The following ZBTB7C variants were observed in gnomAD, a reference collection of about 807,000 sequenced individuals.
The protein encoded by ZBTB7C is zinc finger and BTB domain containing 7C.
A neutral mutation model predicts 25.7 loss-of-function variants in ZBTB7C; 8 were observed. The observed-to-expected ratio is 0.31, with a 90% CI of 0.18 to 0.56. The LOEUF (loss-of-function observed/expected upper bound fraction) is 0.56. Ranked by LOEUF, ZBTB7C falls within the 20% of genes least tolerant of loss-of-function variation. The probability of loss-of-function intolerance (pLI) is 0.91; values close to 1 mark genes in which losing one functional copy is unlikely to be tolerated. For missense variants in ZBTB7C, 824 were observed against 855.2 expected, an observed-to-expected ratio of 0.96 and a Z score of 0.46; for synonymous variants, 394 against 369.0, an observed-to-expected ratio of 1.07 and a Z score of -0.78.
intron 2 of ZBTB7C, among the ~76,000 whole-genome samples, chr18:48,248,352 A>G (rs921980148): frequency 6.6e-6 from 1 of 152,128 alleles, no homozygotes; most frequent in Non-Finnish European, 1.5e-5. Context: ...GAGAGAACAA[A>G]CTAATACACT....
At chr18:48,220,943 C>T (rs2042935078) in intron 2 of ZBTB7C, among the ~76,000 whole-genome samples, 1 of 152,024 alleles carries the variant, frequency 6.6e-6, no homozygotes, top group African/African-American at 2.4e-5. Flanking sequence ...CTAGACTCCT[C>T]TATACTGTTC....
At chr18:48,180,476 GC>G (rs1259031528) in intron 3 of ZBTB7C, 4 of 384,238 alleles carry the variant, frequency 1.0e-5, no homozygotes, top group African/African-American at 2.1e-5. Flanking sequence ...CCTATGCCAT[GC>G]CTGGGGAGAG....
At chr18:48,036,015 G>T (rs1178077928) in intron 4 of ZBTB7C, among the ~76,000 whole-genome samples, 1 of 152,262 alleles carries the variant, frequency 6.6e-6, no homozygotes. Flanking sequence ...GGAGTGCACA[G>T]GCAAAGGGAG....
At chr18:48,113,380 A>G (rs2039315380) in intron 3 of ZBTB7C, among the ~76,000 whole-genome samples, 1 of 152,268 alleles carries the variant, frequency 6.6e-6, no homozygotes, top group South Asian at 2.1e-4. Flanking sequence ...GGGAAAGACA[A>G]AAAGAGAGAA....
chr18:48,215,207 AG>A (rs1401562743), intron 2 of ZBTB7C, among the ~76,000 whole-genome samples: 1 of 152,236 alleles, frequency 6.6e-6, no homozygotes, highest in Non-Finnish European at 1.5e-5. Context: ...AAGACACAGA[AG>A]CCAACGGTCC....
intron 2 of ZBTB7C, among the ~76,000 whole-genome samples, chr18:48,286,010 T>C (rs1033681404): frequency 2.0e-5 from 3 of 152,282 alleles, no homozygotes; most frequent in Admixed American, 1.3e-4. Flanking sequence ...ATGAGCTCCC[T>C]TCCCCTTGAG....
Position 48,029,316 on chromosome 18 carries a change from G to C in ZBTB7C, c.1804C>G (p.Leu602Val). Residue 602 changes from leucine to valine, a missense_variant, in exon 5 of 5, where the codon CTC becomes GTC. Around this residue, in one of 4 missense-constraint regions of ZBTB7C, gnomAD observed 342 missense variants for 307.0 expected, o/e 1.11. Transcript: ENST00000590800. ...TGGTTGAGGCCGGCGAGCCCAGGGA[G>C]GCCGGCCAGGCCGGCGGCCCAAGGG... ...PDPWAAGLAG[L>V]PGLAGLNHVA... 2.6e-6 allele frequency: 4 copies of C among 1,536,492 alleles called. 1 individual carries two copies. The highest frequency in any genetic ancestry group is 2.7e-5 in the African/African-American group (2 of 72,910).
intron 1 of ZBTB7C, among the ~76,000 whole-genome samples, chr18:48,353,120 T>C (rs1275798641): frequency 2.0e-5 from 3 of 152,212 alleles, no homozygotes; most frequent in Non-Finnish European, 2.9e-5. Flanking sequence ...TATAGGGCTT[T>C]CCTATCCAGT....
intron 3 of ZBTB7C, among the ~76,000 whole-genome samples, chr18:48,081,296 C>T (rs2037971843): frequency 6.6e-6 from 1 of 152,150 alleles, no homozygotes; most frequent in African/African-American, 2.4e-5. Flanking sequence ...GAGTCTGCAC[C>T]TTGCACTCAG....
intron 3 of ZBTB7C, among the ~76,000 whole-genome samples, chr18:48,153,399 C>G (rs1193452961): frequency 6.6e-6 from 1 of 152,140 alleles, no homozygotes; most frequent in Non-Finnish European, 1.5e-5. Flanking sequence ...TGCACCCACT[C>G]TCTTTCTGTT....
chr18:48,172,269 GGTCTGCATCAGGGGCTTCCCAGT>G (rs2041508836), intron 3 of ZBTB7C, among the ~76,000 whole-genome samples: 1 of 152,196 alleles, frequency 6.6e-6, no homozygotes. Flanking sequence ...TGGGAAGATG[GGTCTGCATCAGGGGCTTCCCAGT>G]GCCCTTAAAT....
chr18:48,029,197 G>A lies in ZBTB7C; in HGVS notation c.*63C>T. On this transcript the variant is annotated 3_prime_UTR_variant, in exon 5 of 5. Coordinates refer to ENST00000590800, the MANE Select transcript of ZBTB7C (RefSeq NM_001318841.2). ...GAAAAGTTCAGATCCATGGGGTAGG[G>A]TAGAGTGGGCCTGGAGGGAGAAGGA... 6.8e-7 allele frequency: 1 copy of A among 1,481,288 alleles called. No homozygotes were observed. Among genetic ancestry groups the A allele is most frequent in the Non-Finnish European group, 8.9e-7 (1 of 1,126,236 alleles). 91.8% of individuals were successfully genotyped at this position (1,481,288 alleles called of 1,614,324 possible).
intron 2 of ZBTB7C, among the ~76,000 whole-genome samples, chr18:48,208,968 T>C (rs2042641208): frequency 6.6e-6 from 1 of 152,248 alleles, no homozygotes; most frequent in South Asian, 2.1e-4. Flanking sequence ...CTCCATGTAA[T>C]ACTGTTTAAA....
intron 3 of ZBTB7C, among the ~76,000 whole-genome samples, chr18:48,082,946 A>T (rs2038047136): frequency 6.6e-6 from 1 of 152,116 alleles, no homozygotes; most frequent in African/African-American, 2.4e-5. Flanking sequence ...GAGTTGGTTG[A>T]TTTTGGACAA....
intron 3 of ZBTB7C, among the ~76,000 whole-genome samples, chr18:48,052,105 C>G (rs924824243): frequency 1.3e-5 from 2 of 152,208 alleles, no homozygotes; most frequent in African/African-American, 4.8e-5. Flanking sequence ...AATCACTCGT[C>G]TCCCATAAAC....
chr18:48,186,387 A>C (rs986705257), intron 2 of ZBTB7C, among the ~76,000 whole-genome samples: 1 of 152,252 alleles, frequency 6.6e-6, no homozygotes, highest in African/African-American at 2.4e-5. Context: ...ACCTCACAGC[A>C]CAGGGCATCT....
chr18:48,284,026 A>G (rs1354968156), intron 2 of ZBTB7C, among the ~76,000 whole-genome samples: 1 of 152,194 alleles, frequency 6.6e-6, no homozygotes, highest in African/African-American at 2.4e-5. Flanking sequence ...GCACGCCTAT[A>G]GTCCCAGTTA....
intron 2 of ZBTB7C, among the ~76,000 whole-genome samples, chr18:48,288,146 C>A (rs774652550): frequency 1.3e-5 from 2 of 152,150 alleles, no homozygotes; most frequent in Non-Finnish European, 2.9e-5. Flanking sequence ...CTACAAAGAT[C>A]TAAAAGAATG....
At position 48,028,415 on chromosome 18, in the gene ZBTB7C, T is replaced by C. The variant is rs750123207; in HGVS notation, c.*845A>G. The C allele has an allele frequency of 6.6e-6, 1 of 152,224 alleles. No individual in the cohort carries two copies. 9.4% of individuals were successfully genotyped at this position (152,224 alleles called of 1,614,324 possible). A position where few individuals can be genotyped will look rare whatever the true frequency, so the allele number is the denominator to read the frequency against. On this transcript the variant is annotated 3_prime_UTR_variant, in exon 5 of 5. Transcript: ENST00000590800. ...CTCCCCTGATGACCTGATCTCTGTC[T>C]AGTCTGGCCATATTTCTCACCTATG...
Sources: gnomAD v4.1 joint callset for allele counts (sites outside exome capture counted in the v4.1 genomes callset) on GRCh38, gnomAD v4.1.1 for gene constraint, gnomAD v4.1.1 regional missense constraint, MANE v1.5 for transcripts, NCBI Gene and HGNC (gene_info 2026-07-23, HGNC 2026-07-21) for gene names.